The following NDFIP1 variants were observed in gnomAD, a reference collection of about 807,000 sequenced individuals.
NDFIP1 encodes NEDD4 family-interacting protein 1.
In NDFIP1, 7 loss-of-function variants were observed where a neutral mutation model predicts 28.8. That is an observed-to-expected ratio of 0.24 (90% CI 0.14 to 0.46). NDFIP1 has a LOEUF of 0.46. Ranked by LOEUF, NDFIP1 falls within the 20% of genes least tolerant of loss-of-function variation. The pLI is 0.99. For synonymous variants in NDFIP1, 92 were observed against 101.0 expected (o/e 0.91, Z 0.53); for missense variants, 194 against 269.1 (o/e 0.72, Z 1.95).
intron 3 of NDFIP1, among the ~76,000 whole-genome samples, chr5:142,134,260 C>A (rs1416652194): frequency 6.6e-6 from 1 of 152,060 alleles, no homozygotes; most frequent in African/African-American, 2.4e-5. Flanking sequence ...AGAAGAGATA[C>A]CAAGAGGACA....
At chr5:142,127,007 T>C (rs1757175895) in intron 1 of NDFIP1, among the ~76,000 whole-genome samples, 1 of 152,048 alleles carries the variant, frequency 6.6e-6, no homozygotes, top group Admixed American at 6.6e-5. Flanking sequence ...AAACGCTCTA[T>C]TTTATTTTAT....
At chr5:142,138,500 C>T (rs533653416) in intron 5 of NDFIP1, among the ~76,000 whole-genome samples, 3 of 152,332 alleles carry the variant, frequency 2.0e-5, no homozygotes, top group South Asian at 2.1e-4. Context: ...TTATTGCTAT[C>T]GTCAACCTTA....
rs1757451929 is a variant in NDFIP1 at position 142,152,057 on chromosome 5, G to A, written c.*329G>A. 6.5e-6 allele frequency: 1 copy of A among 152,676 alleles called. No homozygotes were observed. The highest frequency in any genetic ancestry group is 2.4e-5 in the African/African-American group (1 of 41,416). The allele number at this position is 152,676 out of a possible 1,614,324, so 9.5% of individuals were successfully genotyped here. A position where few individuals can be genotyped will look rare whatever the true frequency, so the allele number is the denominator to read the frequency against. ...GAGCCATGTCCCTGTAGTCGGTAGG[G>A]GGCAGTCTTGCTTTATTCATCCTCC... On this transcript the variant is annotated 3_prime_UTR_variant, in exon 8 of 8. Coordinates refer to ENST00000253814, the MANE Select transcript of NDFIP1 (RefSeq NM_030571.4).
intron 1 of NDFIP1, among the ~76,000 whole-genome samples, chr5:142,109,623 A>G (rs1033465940): frequency 1.3e-5 from 2 of 152,190 alleles, no homozygotes; most frequent in African/African-American, 4.8e-5. Context: ...GGCTGTGGTG[A>G]TGCCCCAAAA....
chr5:142,136,507 C>G (rs1757276439), intron 4 of NDFIP1, among the ~76,000 whole-genome samples: 1 of 152,084 alleles, frequency 6.6e-6, no homozygotes, highest in Non-Finnish European at 1.5e-5. Flanking sequence ...ATAATCCCAG[C>G]ACTTTGGGAG....
chr5:142,128,851 G>A (rs1057182088), intron 1 of NDFIP1, among the ~76,000 whole-genome samples: 4 of 152,206 alleles, frequency 2.6e-5, no homozygotes, highest in Admixed American at 1.3e-4. Context: ...GTGGTTCTAA[G>A]AAGGCTGGAA....
intron 7 of NDFIP1, among the ~76,000 whole-genome samples, chr5:142,151,132 T>C (rs1024311292): frequency 2.6e-5 from 4 of 152,362 alleles, no homozygotes; most frequent in African/African-American, 9.6e-5. Flanking sequence ...AGTTTGAAAG[T>C]ACATGTATTA....
At chr5:142,115,731 T>G (rs1345190416) in intron 1 of NDFIP1, among the ~76,000 whole-genome samples, 8 of 152,170 alleles carry the variant, frequency 5.3e-5, no homozygotes, top group Admixed American at 5.2e-4. Context: ...TGTATGAAAT[T>G]TTTTGGGCTT....
chr5:142,143,852 A>AT (rs1341926746), intron 6 of NDFIP1: 1 of 152,170 alleles, frequency 6.6e-6, no homozygotes, highest in African/African-American at 2.4e-5. Flanking sequence ...AAATTAAAAA[A>AT]TTAGCTGGGC....
At chr5:142,149,400 C>G (rs1007631863) in intron 7 of NDFIP1, among the ~76,000 whole-genome samples, 1 of 140,146 alleles carries the variant, frequency 7.1e-6, no homozygotes, top group African/African-American at 2.7e-5. Context: ...TTGTCTTCCT[C>G]TTGGAATTAA....
At chr5:142,142,961 ATATATATT>A (rs1213689897) in intron 6 of NDFIP1, 20 of 127,596 alleles carry the variant, frequency 1.6e-4, no homozygotes, top group Non-Finnish European at 3.2e-4. Flanking sequence ...ATATATATAT[ATATATATT>A]AATAAGAGTT....
intron 1 of NDFIP1, among the ~76,000 whole-genome samples, chr5:142,115,833 G>A (rs372486544): frequency 6.6e-6 from 1 of 152,018 alleles, no homozygotes; most frequent in Non-Finnish European, 1.5e-5. Context: ...TTCTACATTC[G>A]CAGATTCAAC....
intron 7 of NDFIP1, among the ~76,000 whole-genome samples, chr5:142,148,375 TTAA>T (rs1479717691): frequency 6.6e-6 from 1 of 152,168 alleles, no homozygotes; most frequent in African/African-American, 2.4e-5. Context: ...GAAAAATGTA[TTAA>T]TAAGCTGTTA....
intron 1 of NDFIP1, among the ~76,000 whole-genome samples, chr5:142,128,344 A>G (rs1369476077): frequency 1.3e-5 from 2 of 152,310 alleles, no homozygotes; most frequent in East Asian, 3.9e-4. Flanking sequence ...GGCTGCACAG[A>G]AGGGTTCCCA....
intron 1 of NDFIP1, among the ~76,000 whole-genome samples, chr5:142,121,383 ATTCTT>A (rs1757120386): frequency 6.6e-6 from 1 of 152,236 alleles, no homozygotes; most frequent in African/African-American, 2.4e-5. Context: ...AAGCCATACT[ATTCTT>A]TTCATTTTTA....
intron 7 of NDFIP1, among the ~76,000 whole-genome samples, chr5:142,147,287 C>T (rs889443354): frequency 3.3e-5 from 5 of 152,154 alleles, no homozygotes; most frequent in African/African-American, 1.2e-4. Context: ...ACTGAGTTCC[C>T]TTTGTCCACT....
At chr5:142,138,642 C>T (rs1757297697) in intron 5 of NDFIP1, among the ~76,000 whole-genome samples, 1 of 152,066 alleles carries the variant, frequency 6.6e-6, no homozygotes. Flanking sequence ...TTTAGGGTTC[C>T]AGAATCCTTT....
intron 5 of NDFIP1, chr5:142,138,259 T>G (rs1189822742): frequency 6.5e-6 from 1 of 154,912 alleles, no homozygotes; most frequent in African/African-American, 2.4e-5. Flanking sequence ...CTTCCTTCTT[T>G]TCTTTTCTCC....
At chr5:142,147,873 AG>A (rs1490953721) in intron 7 of NDFIP1, among the ~76,000 whole-genome samples, 2 of 152,218 alleles carry the variant, frequency 1.3e-5, no homozygotes, top group African/African-American at 2.4e-5. Context: ...AGCCATCAAA[AG>A]GATCAGAATA....
Sources: allele counts gnomAD v4.1 joint callset (sites outside exome capture counted in the v4.1 genomes callset), GRCh38; gene constraint gnomAD v4.1.1; transcripts MANE v1.5; gene names NCBI Gene and HGNC (gene_info 2026-07-23, HGNC 2026-07-21).